The following CNTNAP2 variants were observed in gnomAD, a reference collection of about 807,000 sequenced individuals.
CNTNAP2 encodes the protein contactin associated protein 2.
A neutral mutation model predicts 155.2 loss-of-function variants in CNTNAP2; 98 were observed. The observed-to-expected ratio is 0.63, with a 90% CI of 0.54 to 0.75. The LOEUF (loss-of-function observed/expected upper bound fraction) is 0.75, where lower values mean the gene tolerates loss of function less well. Ranked by LOEUF, CNTNAP2 falls within the 30% of genes least tolerant of loss-of-function variation. The probability of loss-of-function intolerance (pLI) is 0.00; values close to 1 mark genes in which losing one functional copy is unlikely to be tolerated. For synonymous variants in CNTNAP2, 651 were observed against 631.2 expected (o/e 1.03, Z -0.47); for missense variants, 1,727 against 1,688.1 (o/e 1.02, Z -0.40).
At chr7:147,942,108 T>TTATG (rs1304012038) in intron 14 of CNTNAP2, among the ~76,000 whole-genome samples, 1 of 152,230 alleles carries the variant, frequency 6.6e-6, no homozygotes, top group Non-Finnish European at 1.5e-5. Context: ...CTGAGGTTCT[T>TTATG]TATGTCCTTA....
At chr7:148,099,866 T>TG (rs1804058988) in intron 15 of CNTNAP2, among the ~76,000 whole-genome samples, 2 of 124,586 alleles carry the variant, frequency 1.6e-5, no homozygotes, top group Admixed American at 7.8e-5. Context: ...TTTTTTTTTT[T>TG]GGTTTTTTTT....
At position 148,224,704 on chromosome 7, in the gene CNTNAP2, A is replaced by G. The variant is rs1353882108; in HGVS notation, c.3248-4942A>G. On this transcript the variant is annotated intron_variant, in intron 19 of 23. Coordinates refer to ENST00000361727, the MANE Select transcript of CNTNAP2 (RefSeq NM_014141.6). ...TCACGCTGCTATGAAGAAATACCTGAGACTGGGCAATTTATAAACGAAAGA... is the reference window on the plus strand; with the variant it reads ...TCACGCTGCTATGAAGAAATACCTGGGACTGGGCAATTTATAAACGAAAGA... 2.6e-5 allele frequency among the ~76,000 whole-genome samples: 4 copies of G among 152,218 alleles called. No homozygotes were observed. The East Asian group carries it at 7.7e-4, about 29-fold the overall frequency.
intron 3 of CNTNAP2, among the ~76,000 whole-genome samples, chr7:146,917,104 A>G (rs1796409268): frequency 6.6e-6 from 1 of 152,096 alleles, no homozygotes; most frequent in Non-Finnish European, 1.5e-5. Flanking sequence ...CAGGTTATTT[A>G]ATTTCCAGGT....
At chr7:146,935,954 G>T (rs10236027) in intron 3 of CNTNAP2, among the ~76,000 whole-genome samples, 2,412 of 152,272 alleles carry the variant, frequency 0.016, 67 homozygotes, top group African/African-American at 0.055. Context: ...TGTGCTGTAT[G>T]CTCTCAAAGG....
chr7:148,222,279 T>C (rs7810107), intron 19 of CNTNAP2, among the ~76,000 whole-genome samples: 6,984 of 152,288 alleles, frequency 0.046, 183 homozygotes, highest in Middle Eastern at 0.099. Context: ...GAAAAGGAAT[T>C]TATTTCTTAT....
chr7:146,169,873 ACCTAGTTTGTTTT>A (rs1175290577), intron 1 of CNTNAP2, among the ~76,000 whole-genome samples: 2 of 151,700 alleles, frequency 1.3e-5, no homozygotes, highest in Non-Finnish European at 2.9e-5. Flanking sequence ...GTGGATAGGT[ACCTAGTTTGTTTT>A]CCATATCTTA....
At chr7:148,054,881 C>CTT (rs372468541) in intron 15 of CNTNAP2, among the ~76,000 whole-genome samples, 226 of 136,862 alleles carry the variant, frequency 1.7e-3, no homozygotes, top group Middle Eastern at 4.0e-3. Context: ...TAATAGGAAT[C>CTT]TTTTTTTTTT....
At chr7:147,199,543 T>C (rs1255794617) in intron 8 of CNTNAP2, among the ~76,000 whole-genome samples, 1 of 152,166 alleles carries the variant, frequency 6.6e-6, no homozygotes, top group Admixed American at 6.6e-5. Context: ...TGTTTTACAT[T>C]ATGTGCCTTC....
Position 147,562,244 on chromosome 7 carries a change from C to T in CNTNAP2, c.1884C>T (p.Tyr628=). Residue 628 remains tyrosine (Y), a synonymous_variant, in exon 12 of 24, where the codon TAC becomes TAT. Transcript: ENST00000361727. ...GACCTCTGGGGCCTCTGAAAGTTTA[C>T]TGCAACATGACAGGTAACTGTGTCA... ...GSGPLGPLKV[Y]CNMTEDKVWT... is the part of the protein sequence containing the mutation. 3 of 1,613,970 alleles carry T rather than the reference C, an allele frequency of 1.9e-6. No homozygotes were observed. The highest frequency in any genetic ancestry group is 2.5e-6 in the Non-Finnish European group (3 of 1,179,886).
In CNTNAP2 at chr7:147,746,770, G is replaced by A. The variant is rs186864962; in HGVS notation, c.2098+107464G>A. On this transcript the variant is annotated intron_variant, in intron 13 of 23. Transcript: ENST00000361727. ...ATTTTGGTAAGGGTGAGAGAACTCC[G>A]TTCTACAAACTGCTTATAGACCAGA... Among the ~76,000 whole-genome samples, 1,047 of 152,184 alleles carry A rather than the reference G, an allele frequency of 6.9e-3. 4 individuals carry two copies. The highest frequency in any genetic ancestry group is 0.013 in the Admixed American group (194 of 15,284).
chr7:147,885,518 C>T (rs557836000), intron 13 of CNTNAP2, among the ~76,000 whole-genome samples: 1 of 152,268 alleles, frequency 6.6e-6, no homozygotes, highest in East Asian at 1.9e-4. Context: ...ACTCCACCCC[C>T]CGCCACCCCG....
At chr7:146,293,270 G>C (rs929375738) in intron 1 of CNTNAP2, among the ~76,000 whole-genome samples, 4 of 152,056 alleles carry the variant, frequency 2.6e-5, no homozygotes, top group African/African-American at 9.7e-5. Flanking sequence ...GAAAATTTAG[G>C]TTTATGAGAC....
chr7:146,824,565 T>C (rs1585108845), intron 2 of CNTNAP2, among the ~76,000 whole-genome samples: 1 of 152,216 alleles, frequency 6.6e-6, no homozygotes, highest in Non-Finnish European at 1.5e-5. Context: ...TCCTGACTTT[T>C]TAATGATTGC....
At chr7:147,167,710 T>C (rs1226056253) in intron 8 of CNTNAP2, 2 of 306,848 alleles carry the variant, frequency 6.5e-6, no homozygotes, top group Non-Finnish European at 1.2e-5. Flanking sequence ...TGTGGGATGC[T>C]GAAGGAGATG....
intron 4 of CNTNAP2, among the ~76,000 whole-genome samples, chr7:147,051,818 A>C (rs766266295): frequency 6.6e-6 from 1 of 152,146 alleles, no homozygotes. Flanking sequence ...CTAATTTTAA[A>C]TCTTAAGTGC....
intron 12 of CNTNAP2, among the ~76,000 whole-genome samples, chr7:147,607,676 C>CCTGTTAAT (rs1274968876): frequency 6.6e-6 from 1 of 152,116 alleles, no homozygotes; most frequent in Non-Finnish European, 1.5e-5. Flanking sequence ...GTGACTTTAG[C>CCTGTTAAT]CTGTTAATAG....
chr7:148,142,936 G>T (rs1005862814), intron 16 of CNTNAP2, among the ~76,000 whole-genome samples: 7 of 152,204 alleles, frequency 4.6e-5, no homozygotes, highest in Non-Finnish European at 8.8e-5. Context: ...TTCAGATGAA[G>T]TCATGAGCCT....
At chr7:147,925,498 G>T (rs1054756267) in intron 14 of CNTNAP2, among the ~76,000 whole-genome samples, 1 of 151,490 alleles carries the variant, frequency 6.6e-6, no homozygotes, top group African/African-American at 2.4e-5. Context: ...ACGGAGTCTC[G>T]CTCTGTCGCC....
At chr7:146,254,023 C>T (rs1348014113) in intron 1 of CNTNAP2, among the ~76,000 whole-genome samples, 1 of 151,984 alleles carries the variant, frequency 6.6e-6, no homozygotes, top group Non-Finnish European at 1.5e-5. Flanking sequence ...GATCATGCCA[C>T]TGAACTCCAG....
Sources: allele counts gnomAD v4.1 joint callset (sites outside exome capture counted in the v4.1 genomes callset), GRCh38; gene constraint gnomAD v4.1.1; transcripts MANE v1.5; gene names NCBI Gene and HGNC (gene_info 2026-07-23, HGNC 2026-07-21).